The following FAT3 variants were observed in gnomAD, a reference collection of about 807,000 sequenced individuals.
The protein encoded by FAT3 is protocadherin Fat 3.
Under a neutral mutation model 310.2 loss-of-function variants are expected in FAT3, and 95 were observed. The observed-to-expected ratio is 0.31, with a 90% CI of 0.26 to 0.36. The LOEUF (loss-of-function observed/expected upper bound fraction) is 0.36, where lower values mean the gene tolerates loss of function less well. Among genes scored for constraint, FAT3 ranks in the 10% least tolerant of loss-of-function variants. The pLI is 1.00. For synonymous variants in FAT3, 2,314 were observed against 2,192.9 expected (o/e 1.06, Z -1.54); for missense variants, 5,408 against 5,715.6 (o/e 0.95, Z 1.74).
intron 10 of FAT3, among the ~76,000 whole-genome samples, 166 bp from the exon 11 acceptor site, chr11:92,804,987 T>A (rs151146003): frequency 4.3e-4 from 66 of 152,364 alleles, no homozygotes; most frequent in African/African-American, 9.6e-4. Flanking sequence ...ATAAATATCA[T>A]GCTTTGTTGC....
intron 3 of FAT3, among the ~76,000 whole-genome samples, 198 bp from the exon 4 acceptor site, chr11:92,697,186 A>G (rs1943968584): frequency 6.6e-6 from 1 of 152,202 alleles, no homozygotes; most frequent in Admixed American, 6.5e-5. Context: ...GACAGGCTGA[A>G]ACAATTTTTC....
intron 3 of FAT3, among the ~76,000 whole-genome samples, chr11:92,566,573 T>C (rs546324145): frequency 2.4e-4 from 37 of 151,960 alleles, no homozygotes; most frequent in African/African-American, 8.9e-4. Flanking sequence ...AGAGCCCGCA[T>C]TGCCAAGTCA....
At chr11:92,544,833 G>A (rs1954566297) in intron 3 of FAT3, among the ~76,000 whole-genome samples, 1 of 152,170 alleles carries the variant, frequency 6.6e-6, no homozygotes, top group Non-Finnish European at 1.5e-5. Context: ...ATGGTTAGGT[G>A]CAATCACAAA....
chr11:92,873,689 G>A (rs907153195), intron 22 of FAT3, among the ~76,000 whole-genome samples: 4 of 152,196 alleles, frequency 2.6e-5, no homozygotes, highest in Non-Finnish European at 5.9e-5. Context: ...AAGGAAAGGA[G>A]GATTCATTTT....
At chr11:92,830,398 T>C (rs1454001551) in intron 13 of FAT3, among the ~76,000 whole-genome samples, 1 of 152,196 alleles carries the variant, frequency 6.6e-6, no homozygotes, top group African/African-American at 2.4e-5. Flanking sequence ...ACTAGGTACA[T>C]TTCTTGAAAT....
intron 3 of FAT3, among the ~76,000 whole-genome samples, chr11:92,632,376 G>A (rs1378652337): frequency 1.3e-5 from 2 of 152,200 alleles, no homozygotes; most frequent in African/African-American, 4.8e-5. Flanking sequence ...TTCCCAGGAT[G>A]CTTTCATGAA....
intron 2 of FAT3, among the ~76,000 whole-genome samples, chr11:92,389,691 G>GA (rs1304356017): frequency 6.6e-6 from 1 of 152,162 alleles, no homozygotes; most frequent in Non-Finnish European, 1.5e-5. Context: ...GTAGCAGTTA[G>GA]AAGTGAGGAA....
chr11:92,662,967 G>A (rs771501664), intron 3 of FAT3, among the ~76,000 whole-genome samples: 7 of 152,170 alleles, frequency 4.6e-5, no homozygotes, highest in Admixed American at 1.3e-4. Context: ...GGAATGGCCC[G>A]GTTCCTCACA....
rs543000665 is a variant in FAT3, at chr11:92,522,836, ATGTTT to A, written c.3293-1797_3293-1793del. ...TGAACATAGAATGTATGTTGCATGT[ATGTTT>A]GCCCACTGCGAATATGGTCTTCTCA... On this transcript the variant is annotated intron_variant, in intron 2 of 27. Coordinates refer to ENST00000525166, the MANE Select transcript of FAT3 (RefSeq NM_001367949.2). Among the ~76,000 whole-genome samples the A allele has an allele frequency of 1.3e-4, 20 of 152,262 alleles. No individual in the cohort carries two copies. The South Asian group carries it at 3.9e-3, about 30-fold the overall frequency.
chr11:92,600,026 C>G (rs1939934032), intron 3 of FAT3, among the ~76,000 whole-genome samples: 1 of 152,188 alleles, frequency 6.6e-6, no homozygotes, highest in Non-Finnish European at 1.5e-5. Flanking sequence ...TGGCTGTCAC[C>G]ATTAAATGCT....
chr11:92,380,755 A>G (rs1316673041), intron 2 of FAT3, among the ~76,000 whole-genome samples: 1 of 151,756 alleles, frequency 6.6e-6, no homozygotes, highest in Non-Finnish European at 1.5e-5. Context: ...TGGAATATAG[A>G]CTCCCATTTT....
intron 1 of FAT3, among the ~76,000 whole-genome samples, chr11:92,268,271 G>C (rs1013773527): frequency 1.3e-5 from 2 of 152,010 alleles, no homozygotes; most frequent in African/African-American, 4.8e-5. Flanking sequence ...GATAGGTTTT[G>C]AATTTAAGCC....
At chr11:92,773,489 G>T (rs1481483489) in intron 6 of FAT3, among the ~76,000 whole-genome samples, 1 of 152,020 alleles carries the variant, frequency 6.6e-6, no homozygotes, top group Admixed American at 6.6e-5. Context: ...TGCAGATATA[G>T]AATTTTTAAT....
In FAT3 at chr11:92,353,609, G is replaced by A. The variant is rs2134638153; in HGVS notation, c.1497G>A (p.Lys499=). The change falls in exon 2 of 28, where the codon AAG becomes AAA. Residue 499 remains lysine, a synonymous_variant. Transcript: ENST00000525166. ...TSVLTVSASD[K]DKGENGYITY... ...TTCTAACAGTTTCAGCTTCTGATAAGGATAAAGGAGAAAATGGGTACATCA... is the reference window on the plus strand; with the variant it reads ...TTCTAACAGTTTCAGCTTCTGATAAAGATAAAGGAGAAAATGGGTACATCA... 6.2e-7 allele frequency: 1 copy of A among 1,613,838 alleles called. No homozygotes were observed. The highest frequency in any genetic ancestry group is 8.5e-7 in the Non-Finnish European group (1 of 1,179,872).
intron 7 of FAT3, among the ~76,000 whole-genome samples, chr11:92,778,164 G>C (rs116849382): frequency 1.4e-3 from 219 of 152,252 alleles, no homozygotes; most frequent in Non-Finnish European, 2.4e-3. Context: ...CAGGCCAAAG[G>C]TATCTTAGTG....
intron 1 of FAT3, among the ~76,000 whole-genome samples, chr11:92,327,990 G>A (rs1273953001): frequency 6.6e-6 from 1 of 152,182 alleles, no homozygotes; most frequent in East Asian, 1.9e-4. Context: ...CCAACAAGAG[G>A]ATAGGGTGGT....
chr11:92,836,761 G>C lies in FAT3; in HGVS notation c.10224+58G>C, dbSNP rs1199891992. 4 of 1,579,380 alleles carry C rather than the reference G, an allele frequency of 2.5e-6. No individual in the cohort carries two copies. The East Asian group carries it at 9.0e-5, about 36-fold the overall frequency. On this transcript the variant is annotated intron_variant, in intron 16 of 27. Transcript: ENST00000525166. ...CACATCCACCACTTTCCTAGAATCAGGGGCACAAGCTCCACGGGTGTAAAT... is the reference window on the plus strand; with the variant it reads ...CACATCCACCACTTTCCTAGAATCACGGGCACAAGCTCCACGGGTGTAAAT...
intron 2 of FAT3, among the ~76,000 whole-genome samples, chr11:92,481,277 A>G (rs1198585067): frequency 1.3e-5 from 2 of 151,602 alleles, no homozygotes; most frequent in Non-Finnish European, 2.9e-5. Flanking sequence ...AATTTGAAAA[A>G]TATGTTTCTA....
At chr11:92,737,331 G>A (rs1440112194) in intron 4 of FAT3, among the ~76,000 whole-genome samples, 1 of 152,032 alleles carries the variant, frequency 6.6e-6, no homozygotes, top group Non-Finnish European at 1.5e-5. Context: ...GACTCTGTGG[G>A]TAGCCATGGT....
Sources: gnomAD v4.1 joint callset for allele counts (sites outside exome capture counted in the v4.1 genomes callset) on GRCh38, gnomAD v4.1.1 for gene constraint, MANE v1.5 for transcripts, NCBI Gene and HGNC (gene_info 2026-07-23, HGNC 2026-07-21) for gene names.